The following ENTREP2 variants were observed in gnomAD, a reference collection of about 807,000 sequenced individuals.
ENTREP2 encodes protein ENTREP2.
chr15:29,625,023 C>A, the ENTREP2 span, among the ~76,000 whole-genome samples: 19 of 151,986 alleles, frequency 1.3e-4, no homozygotes, highest in Non-Finnish European at 2.5e-4. Flanking sequence ...CCAGGCTCAC[C>A]CATCCACCCA....
chr15:29,601,177 G>A, the ENTREP2 span, among the ~76,000 whole-genome samples: 35 of 148,814 alleles, frequency 2.4e-4, no homozygotes, highest in Non-Finnish European at 2.1e-4. Flanking sequence ...GATTACAGGC[G>A]TGAGCCACCG....
the ENTREP2 span, among the ~76,000 whole-genome samples, chr15:29,170,307 CAAAAAA>C: frequency 1.7e-5 from 1 of 57,382 alleles, no homozygotes; most frequent in East Asian, 5.3e-4. Flanking sequence ...GACTCCATCT[CAAAAAA>C]AAAAAAAAAA....
the ENTREP2 span, among the ~76,000 whole-genome samples, chr15:29,615,229 C>T: frequency 6.6e-6 from 1 of 151,494 alleles, no homozygotes; most frequent in Non-Finnish European, 1.5e-5. Context: ...GATCTCAGCT[C>T]ACTGCAACCT....
chr15:29,262,086 A>AG, the ENTREP2 span, among the ~76,000 whole-genome samples: 2 of 123,980 alleles, frequency 1.6e-5, no homozygotes, highest in African/African-American at 5.3e-5. Flanking sequence ...TCCAGAAAAA[A>AG]AAAAAAAAAG....
At chr15:29,538,527 GCTCACGCT>G in the ENTREP2 span, among the ~76,000 whole-genome samples, 1 of 151,640 alleles carries the variant, frequency 6.6e-6, no homozygotes, top group South Asian at 2.1e-4. Flanking sequence ...GGGCGCAGTG[GCTCACGCT>G]TGTAATCCCA....
chr15:29,476,080 A>G, the ENTREP2 span, among the ~76,000 whole-genome samples: 7 of 152,260 alleles, frequency 4.6e-5, no homozygotes, highest in Non-Finnish European at 7.3e-5. Context: ...ATGCAAAGCA[A>G]TAATACACAC....
At chr15:29,246,392 CAAA>C in the ENTREP2 span, among the ~76,000 whole-genome samples, 3,918 of 90,650 alleles carry the variant, frequency 0.043, 207 homozygotes, top group African/African-American at 0.15. Context: ...ACCCTGTTTC[CAAA>C]AAAAAAAAAA....
chr15:29,364,653 G>A, the ENTREP2 span, among the ~76,000 whole-genome samples: 1 of 152,208 alleles, frequency 6.6e-6, no homozygotes, highest in Non-Finnish European at 1.5e-5. Context: ...GACAGAGATA[G>A]ATCATGCCTT....
chr15:29,491,138 C>A, the ENTREP2 span, among the ~76,000 whole-genome samples: 1 of 152,214 alleles, frequency 6.6e-6, no homozygotes, highest in Non-Finnish European at 1.5e-5. Context: ...CCCTCACTGC[C>A]CAGGGCCAGT....
chr15:29,270,653 GA>G, the ENTREP2 span, among the ~76,000 whole-genome samples: 35,284 of 151,726 alleles, frequency 0.23, 6,875 homozygotes, highest in African/African-American at 0.54. Flanking sequence ...TAGCTTTGAG[GA>G]AAAAAAAGAG....
chr15:29,190,451 A>G, the ENTREP2 span, among the ~76,000 whole-genome samples: 4 of 152,104 alleles, frequency 2.6e-5, no homozygotes, highest in Non-Finnish European at 4.4e-5. Flanking sequence ...CCAACAAAAG[A>G]CAATCCGAGG....
chr15:29,480,895 A>T, the ENTREP2 span, among the ~76,000 whole-genome samples: 1 of 152,252 alleles, frequency 6.6e-6, no homozygotes, highest in Admixed American at 6.5e-5. Flanking sequence ...CATGGGAAGG[A>T]GGTGAGGTGG....
chr15:29,523,476 A>G, the ENTREP2 span, among the ~76,000 whole-genome samples: 1 of 151,536 alleles, frequency 6.6e-6, no homozygotes, highest in African/African-American at 2.4e-5. Flanking sequence ...CATGCTTCTG[A>G]GCTGGAAGAC....
At chr15:29,613,445 G>T in the ENTREP2 span, 1 of 456,724 alleles carries the variant, frequency 2.2e-6, no homozygotes, top group Admixed American at 2.4e-5. Flanking sequence ...CACTGGGTGA[G>T]GGCACAGGCT....
chr15:29,569,681 T>C, the ENTREP2 span: 7 of 152,232 alleles, frequency 4.6e-5, no homozygotes, highest in Admixed American at 2.6e-4. Context: ...TTCATCAAAA[T>C]GCTACAAAAC....
chr15:29,528,421 T>C, the ENTREP2 span, among the ~76,000 whole-genome samples: 1 of 151,406 alleles, frequency 6.6e-6, no homozygotes, highest in Non-Finnish European at 1.5e-5. Context: ...TCCTCTTGGC[T>C]CCCCACTCCC....
chr15:29,443,296 T>G, the ENTREP2 span, among the ~76,000 whole-genome samples: 1 of 152,110 alleles, frequency 6.6e-6, no homozygotes, highest in Admixed American at 6.6e-5. Flanking sequence ...CCCACCCACC[T>G]TATGCAGTGG....
the ENTREP2 span, among the ~76,000 whole-genome samples, chr15:29,440,186 G>A: frequency 1.3e-5 from 2 of 152,218 alleles, no homozygotes; most frequent in East Asian, 3.9e-4. Flanking sequence ...TAGAAAAATT[G>A]GTGAAATCCC....
chr15:29,551,156 TCTC>T, the ENTREP2 span, among the ~76,000 whole-genome samples: 2 of 152,150 alleles, frequency 1.3e-5, no homozygotes, highest in East Asian at 3.8e-4. Flanking sequence ...ATGAGTTCCT[TCTC>T]CTGAAATGTA....
Sources: allele counts gnomAD v4.1 joint callset (sites outside exome capture counted in the v4.1 genomes callset), GRCh38; gene constraint gnomAD v4.1.1; transcripts MANE v1.5; gene names NCBI Gene and HGNC (gene_info 2026-07-23, HGNC 2026-07-21).